The following SLC26A3 variants were observed in gnomAD, a reference collection of about 807,000 sequenced individuals.
SLC26A3 encodes solute carrier family 26 member 3.
In SLC26A3, 64 loss-of-function variants were observed where a neutral mutation model predicts 85.6. That is an observed-to-expected ratio of 0.75 (90% CI 0.61 to 0.92). The LOEUF is 0.92. Among genes scored for constraint, SLC26A3 ranks in the 40% least tolerant of loss-of-function variants. The pLI is 0.00. For missense variants in SLC26A3, 922 were observed against 927.3 expected (o/e 0.99, Z 0.07); for synonymous variants, 349 against 336.0 (o/e 1.04, Z -0.42).
At chr7:107,791,376 C>G (rs1794399372) in intron 4 of SLC26A3, 141 bp from the exon 5 acceptor site, 1 of 885,228 alleles carries the variant, frequency 1.1e-6, no homozygotes, top group African/African-American at 1.6e-5. Context: ...CTTTGGGAGG[C>G]CGAGGCGGGT....
intron 8 of SLC26A3, among the ~76,000 whole-genome samples, chr7:107,784,014 A>G (rs1016504186): frequency 6.6e-6 from 1 of 152,202 alleles, no homozygotes; most frequent in African/African-American, 2.4e-5. Flanking sequence ...TTGTATCATA[A>G]AAGGTGCATG....
At chr7:107,796,557 CAGA>C (rs918020544) in intron 1 of SLC26A3, among the ~76,000 whole-genome samples, 11 of 152,166 alleles carry the variant, frequency 7.2e-5, no homozygotes, top group African/African-American at 2.7e-4. Flanking sequence ...TTCCCATTGT[CAGA>C]AGAACTTGCT....
At chr7:107,793,098 G>A (rs868738676) in intron 3 of SLC26A3, among the ~76,000 whole-genome samples, 6 of 152,326 alleles carry the variant, frequency 3.9e-5, no homozygotes, top group Admixed American at 2.0e-4. Flanking sequence ...AACAAGTGTT[G>A]ATGATATGGA....
intron 3 of SLC26A3, among the ~76,000 whole-genome samples, chr7:107,792,323 G>T (rs768019995): frequency 6.6e-6 from 1 of 151,934 alleles, no homozygotes; most frequent in Non-Finnish European, 1.5e-5. Context: ...TTATTACATT[G>T]TAATATTTAA....
At chr7:107,770,237 T>C in intron 18 of SLC26A3, among the ~76,000 whole-genome samples, 2 of 42,394 alleles carry the variant, frequency 4.7e-5, no homozygotes, top group Non-Finnish European at 8.1e-5. Context: ...TTTTTTTTTT[T>C]TTTTTTTTTT....
intron 7 of SLC26A3, 104 bp downstream of exon 7, chr7:107,787,253 G>A (rs1042104878): frequency 8.8e-7 from 1 of 1,136,440 alleles, no homozygotes; most frequent in Non-Finnish European, 1.3e-6. Flanking sequence ...AAACTGCAGA[G>A]ATGGCCTCTG....
chr7:107,796,760 G>A (rs1400327456), intron 1 of SLC26A3, among the ~76,000 whole-genome samples: 1 of 144,798 alleles, frequency 6.9e-6, no homozygotes, highest in Non-Finnish European at 1.5e-5. Context: ...ATCCTTTGAA[G>A]GAACCAACCT....
intron 1 of SLC26A3, among the ~76,000 whole-genome samples, chr7:107,801,834 C>T (rs529688570): frequency 4.0e-5 from 6 of 150,634 alleles, no homozygotes; most frequent in Non-Finnish European, 8.8e-5. Flanking sequence ...AATCCTAGCA[C>T]TTTGGGAGAC....
intron 3 of SLC26A3, among the ~76,000 whole-genome samples, chr7:107,792,672 C>T (rs1794423490): frequency 6.6e-6 from 1 of 152,176 alleles, no homozygotes; most frequent in Admixed American, 6.5e-5. Context: ...AGGCCACGGA[C>T]CTGTACTGGT....
At chr7:107,795,466 C>T (rs2115891970) in intron 1 of SLC26A3, among the ~76,000 whole-genome samples, 1 of 152,228 alleles carries the variant, frequency 6.6e-6, no homozygotes, top group Admixed American at 6.5e-5. Context: ...TGCACATTAC[C>T]AAGTTAGCCT....
chr7:107,774,518 C>T (rs571730161), intron 16 of SLC26A3, among the ~76,000 whole-genome samples: 27 of 152,282 alleles, frequency 1.8e-4, no homozygotes, highest in Admixed American at 9.8e-4. Flanking sequence ...CGCACCACTG[C>T]GCTCCAGCCT....
At chr7:107,788,326 C>G (rs1380428812) in intron 6 of SLC26A3, among the ~76,000 whole-genome samples, 1 of 152,160 alleles carries the variant, frequency 6.6e-6, no homozygotes, top group Non-Finnish European at 1.5e-5. Context: ...TTATTAAAAG[C>G]TTTACCATTT....
At chr7:107,774,690 T>G in intron 16 of SLC26A3, 87 bp downstream of exon 16, 5 of 974,532 alleles carry the variant, frequency 5.1e-6, no homozygotes, top group Non-Finnish European at 6.7e-6. Flanking sequence ...TATCTGGCAT[T>G]TCATTTAAAG....
At position 107,794,606 on chromosome 7, in the gene SLC26A3, A is replaced by G; in HGVS notation, c.-88-9T>C. Reference sequence around the variant, plus strand: ...TAGCAGGTTAAAAATGCCTGAAACCAAACAGAGCTTGCTTCTTAAATAACT... The same window carrying G: ...TAGCAGGTTAAAAATGCCTGAAACCGAACAGAGCTTGCTTCTTAAATAACT... On this transcript the variant is annotated splice_polypyrimidine_tract_variant and intron_variant, in intron 1 of 20. Coordinates refer to ENST00000340010, the MANE Select transcript of SLC26A3 (RefSeq NM_000111.3). 7.7e-7 allele frequency: 1 copy of G among 1,305,352 alleles called. No homozygotes were observed. Among genetic ancestry groups the G allele is most frequent in the South Asian group, 1.2e-5 (1 of 84,188 alleles). 80.9% of individuals were successfully genotyped at this position (1,305,352 alleles called of 1,614,324 possible). A position where few individuals can be genotyped will look rare whatever the true frequency, so the allele number is the denominator to read the frequency against.
rs1006229239 is a variant in SLC26A3, at chr7:107,774,008, T to G, written c.1919A>C (p.Glu640Ala). The change falls in exon 17 of 21, where the codon GAG becomes GCG. Residue 640 changes from glutamate (E) to alanine (A), a missense_variant. Physicochemically the swap from Glu to Ala is moderately radical, Grantham distance 107. Coordinates refer to ENST00000340010, the MANE Select transcript of SLC26A3 (RefSeq NM_000111.3). ...GCTGTGGAGGCTGATTTTGGGGACC[T>G]CAATGTTGAGAGGAAGATCATCATT... is the stretch of plus-strand genomic sequence containing the variant. ...DWNDDLPLNIEVPKISLHSLI... is the reference protein window; with the variant it reads ...DWNDDLPLNIAVPKISLHSLI... 5 of 1,614,192 alleles carry G rather than the reference T, an allele frequency of 3.1e-6. No individual in the cohort carries two copies. Among genetic ancestry groups the G allele is most frequent in the Non-Finnish European group, 4.2e-6 (5 of 1,180,006 alleles).
chr7:107,777,633 C>G (rs1794140982), intron 13 of SLC26A3, among the ~76,000 whole-genome samples: 1 of 152,044 alleles, frequency 6.6e-6, no homozygotes, highest in Admixed American at 6.6e-5. Context: ...TAAAAAGATG[C>G]TTGGACTGAA....
chr7:107,776,585 T>G, intron 14 of SLC26A3, 41 bp from the exon 15 acceptor site: 1 of 1,607,220 alleles, frequency 6.2e-7, no homozygotes, highest in Non-Finnish European at 8.5e-7. Flanking sequence ...GCCCATTAGA[T>G]CCATAGTTAA....
At chr7:107,777,885 A>C (rs1794145702) in intron 13 of SLC26A3, among the ~76,000 whole-genome samples, 1 of 152,246 alleles carries the variant, frequency 6.6e-6, no homozygotes, top group South Asian at 2.1e-4. Flanking sequence ...CTTCTGGTTT[A>C]TAGCTGGGCG....
At chr7:107,789,714 C>T in intron 5 of SLC26A3, 26 bp from the exon 6 acceptor site, 1 of 1,605,898 alleles carries the variant, frequency 6.2e-7, no homozygotes. Flanking sequence ...AAGCCTTTGT[C>T]AGCATAGATT....
Sources: gnomAD v4.1 joint callset for allele counts (sites outside exome capture counted in the v4.1 genomes callset) on GRCh38, gnomAD v4.1.1 for gene constraint, MANE v1.5 for transcripts, NCBI Gene and HGNC (gene_info 2026-07-23, HGNC 2026-07-21) for gene names.